The following RTKN2 variants were observed in gnomAD, a reference collection of about 807,000 sequenced individuals.
RTKN2 encodes rhotekin 2.
RTKN2 carries 69 observed loss-of-function variants against 71.5 expected under a neutral mutation model. That is an observed-to-expected ratio of 0.96 (90% confidence interval 0.79 to 1.18). RTKN2 has a LOEUF of 1.18. Among genes scored for constraint, RTKN2 ranks in the 50% most tolerant of loss-of-function variants. The pLI is 0.00. For synonymous variants in RTKN2, 236 were observed against 236.5 expected, an observed-to-expected ratio of 1.00 and a Z score of 0.02; for missense variants, 724 against 719.7, an observed-to-expected ratio of 1.01 and a Z score of -0.07.
chr10:62,200,517 G>A (rs945182594), intron 10 of RTKN2, among the ~76,000 whole-genome samples: 1 of 151,690 alleles, frequency 6.6e-6, no homozygotes, highest in Non-Finnish European at 1.5e-5. Context: ...AGTTTGGGAA[G>A]GGTTTTCTTC....
intron 3 of RTKN2, among the ~76,000 whole-genome samples, chr10:62,243,803 T>C (rs1000734427): frequency 1.3e-5 from 2 of 152,188 alleles, no homozygotes; most frequent in African/African-American, 4.8e-5. Flanking sequence ...AATGGTAAAC[T>C]GGGAGAGTCA....
chr10:62,262,520 A>G (rs1842791221), intron 2 of RTKN2, 105 bp downstream of exon 2: 4 of 762,260 alleles, frequency 5.2e-6, no homozygotes. Flanking sequence ...TTGTTTTTTA[A>G]AACAGTTTGG....
chr10:62,227,648 G>A (rs1312780593), intron 6 of RTKN2, among the ~76,000 whole-genome samples: 1 of 152,184 alleles, frequency 6.6e-6, no homozygotes, highest in Non-Finnish European at 1.5e-5. Flanking sequence ...GTTCCGAGCA[G>A]AGTCATGTGC....
chr10:62,267,874 T>C (rs1382643197), intron 1 of RTKN2, among the ~76,000 whole-genome samples: 1 of 152,224 alleles, frequency 6.6e-6, no homozygotes, highest in African/African-American at 2.4e-5. Context: ...AGTGGTAACA[T>C]TTTAATAACT....
At chr10:62,221,691 C>T (rs1841910701) in intron 7 of RTKN2, among the ~76,000 whole-genome samples, 1 of 151,992 alleles carries the variant, frequency 6.6e-6, no homozygotes, top group South Asian at 2.1e-4. Context: ...TTTATCATAC[C>T]TCTTGTAGTA....
intron 1 of RTKN2, among the ~76,000 whole-genome samples, chr10:62,263,805 T>C (rs191508786): frequency 1.3e-5 from 2 of 152,292 alleles, no homozygotes; most frequent in African/African-American, 2.4e-5. Flanking sequence ...CCATTTATTT[T>C]AGTTTTAGGG....
At chr10:62,243,146 A>C (rs1460876693) in intron 3 of RTKN2, among the ~76,000 whole-genome samples, 5 of 80,462 alleles carry the variant, frequency 6.2e-5, no homozygotes, top group African/African-American at 2.1e-4. Flanking sequence ...CCCCCACCCC[A>C]CAACAGTCCC....
intron 9 of RTKN2, among the ~76,000 whole-genome samples, chr10:62,205,287 TA>T (rs1434228761): frequency 6.6e-6 from 1 of 152,196 alleles, no homozygotes; most frequent in African/African-American, 2.4e-5. Context: ...TACATGAGAT[TA>T]AAACATAACC....
intron 10 of RTKN2, among the ~76,000 whole-genome samples, chr10:62,200,248 C>T (rs902610860): frequency 6.0e-5 from 9 of 150,436 alleles, no homozygotes; most frequent in Non-Finnish European, 8.9e-5. Context: ...CTGTAGTCCC[C>T]GCTACTTGGG....
chr10:62,218,344 T>A, intron 7 of RTKN2, 43 bp from the exon 8 acceptor site: 1 of 1,225,068 alleles, frequency 8.2e-7, no homozygotes, highest in Non-Finnish European at 1.2e-6. Context: ...GTTATAAATA[T>A]AAGTTTATTT....
chr10:62,253,731 A>G (rs1842623052), intron 2 of RTKN2, among the ~76,000 whole-genome samples: 1 of 152,160 alleles, frequency 6.6e-6, no homozygotes, highest in African/African-American at 2.4e-5. Context: ...AATAAAAAAT[A>G]TAGAAAAACT....
chr10:62,193,801 G>A lies in RTKN2; in HGVS notation c.*4107C>T, dbSNP rs888275900. ...AGGTTATGTCAATGGATTTTTAAAA[G>A]AGTATACTTTAAGAAGGATTATATG... On this transcript the variant is annotated 3_prime_UTR_variant, in exon 12 of 12. Transcript: ENST00000373789. 5 of 980,654 alleles carry A rather than the reference G, an allele frequency of 5.1e-6. No individual in the cohort carries two copies. The Admixed American group carries it at 1.8e-4, about 36-fold the overall frequency. The allele number at this position is 980,654 out of a possible 1,614,324, so 60.7% of individuals were successfully genotyped here. A position where few individuals can be genotyped will look rare whatever the true frequency, so the allele number is the denominator to read the frequency against.
At position 62,266,712 on chromosome 10, in the gene RTKN2, TAAC is replaced by T. The variant is rs369268530; in HGVS notation, c.60+1836_60+1838del. ...CTCAGATGAATAGGACAAAGGATAATAACAACAATAGTCATCTCTGAAGCACAT... is the reference window on the plus strand; with the variant it reads ...CTCAGATGAATAGGACAAAGGATAATAACAATAGTCATCTCTGAAGCACAT... On this transcript the variant is annotated intron_variant, in intron 1 of 11. Coordinates refer to ENST00000373789, the MANE Select transcript of RTKN2 (RefSeq NM_145307.4). 3.6e-3 allele frequency among the ~76,000 whole-genome samples: 547 copies of T among 152,314 alleles called. 2 individuals carry two copies. The highest frequency in any genetic ancestry group is 0.024 in the Middle Eastern group (7 of 294).
intron 3 of RTKN2, among the ~76,000 whole-genome samples, chr10:62,245,050 G>A (rs971309193): frequency 6.6e-6 from 1 of 152,104 alleles, no homozygotes; most frequent in African/African-American, 2.4e-5. Context: ...TTTCAAAAAT[G>A]TACTGATAAG....
chr10:62,222,097 C>CGTTCTATTTCTTGACAT (rs1173002107), intron 7 of RTKN2, among the ~76,000 whole-genome samples: 1 of 151,964 alleles, frequency 6.6e-6, no homozygotes, highest in South Asian at 2.1e-4. Context: ...GGGGTAGTAA[C>CGTTCTATTTCTTGACAT]GTTCTATTTC....
At chr10:62,187,182 T>C (rs996840697) in intron 8 of RTKN2, among the ~76,000 whole-genome samples, 1 of 152,096 alleles carries the variant, frequency 6.6e-6, no homozygotes, top group African/African-American at 2.4e-5. Flanking sequence ...ACTATTCTGA[T>C]TTCCCAGATA....
At chr10:62,224,958 A>G (rs1203557603) in intron 6 of RTKN2, among the ~76,000 whole-genome samples, 2 of 152,146 alleles carry the variant, frequency 1.3e-5, no homozygotes, top group African/African-American at 4.8e-5. Context: ...TTCTAAGTGT[A>G]ATAGGAAAGT....
At chr10:62,232,960 A>C (rs901631188) in intron 6 of RTKN2, among the ~76,000 whole-genome samples, 2 of 152,208 alleles carry the variant, frequency 1.3e-5, no homozygotes, top group African/African-American at 2.4e-5. Flanking sequence ...AGAAGTAATA[A>C]ATTACAGAAA....
intron 6 of RTKN2, among the ~76,000 whole-genome samples, chr10:62,229,903 G>A (rs1476706002): frequency 1.3e-5 from 2 of 151,952 alleles, no homozygotes; most frequent in Non-Finnish European, 2.9e-5. Flanking sequence ...ATTATTGATA[G>A]CCTCCTCTAA....
Sources: allele counts gnomAD v4.1 joint callset (sites outside exome capture counted in the v4.1 genomes callset), GRCh38; gene constraint gnomAD v4.1.1; transcripts MANE v1.5; gene names NCBI Gene and HGNC (gene_info 2026-07-23, HGNC 2026-07-21).